Variants in ART1 observed in about 807,000 individuals in gnomAD.
ART1 encodes the protein ADP-ribosyltransferase 1, also known as GPI-linked NAD(P)(+)--arginine ADP-ribosyltransferase 1.
A neutral mutation model predicts 27.0 loss-of-function variants in ART1; 29 were observed. That is an observed-to-expected ratio of 1.08 (90% CI 0.80 to 1.47). The LOEUF is 1.47. Ranked by LOEUF, ART1 falls within the 40% of genes most tolerant of loss-of-function variation. The probability of loss-of-function intolerance (pLI) is 0.00; values close to 1 mark genes in which losing one functional copy is unlikely to be tolerated. For synonymous variants in ART1, 201 were observed against 172.2 expected, an observed-to-expected ratio of 1.17 and a Z score of -1.31; for missense variants, 480 against 423.0, an observed-to-expected ratio of 1.13 and a Z score of -1.18.
intron 1 of ART1, among the ~76,000 whole-genome samples, chr11:3,652,342 A>T (rs1448764401): frequency 1.3e-5 from 2 of 149,236 alleles, no homozygotes; most frequent in African/African-American, 2.6e-5. Context: ...CTGAAAACAG[A>T]CCAGCCTTTA....
At chr11:3,652,575 C>T (rs998275049) in intron 1 of ART1, among the ~76,000 whole-genome samples, 1 of 152,162 alleles carries the variant, frequency 6.6e-6, no homozygotes, top group East Asian at 1.9e-4. Flanking sequence ...AGATACAGCC[C>T]ATTTGAGCTC....
chr11:3,664,080 T>G lies in ART1; in HGVS notation c.887-12T>G. 1 of 1,613,320 alleles carries G rather than the reference T, an allele frequency of 6.2e-7. No individual in the cohort carries two copies. The highest frequency in any genetic ancestry group is 2.2e-5 in the East Asian group (1 of 44,870). ...CTCTCTCCCCCAACCTCTCTGCCTG[T>G]TTTCCCTGCAGCCATGGGTCAGAGC... On this transcript the variant is annotated splice_polypyrimidine_tract_variant and intron_variant, in intron 4 of 4. Coordinates refer to ENST00000250693, the MANE Select transcript of ART1 (RefSeq NM_004314.3).
At chr11:3,654,928 A>C (rs1438697311) in intron 1 of ART1, among the ~76,000 whole-genome samples, 1 of 152,232 alleles carries the variant, frequency 6.6e-6, no homozygotes, top group African/African-American at 2.4e-5. Flanking sequence ...GCAGACAGAA[A>C]CAGAGCTGTG....
rs148115951 is a variant in ART1, at chr11:3,664,069, C to T, written c.887-23C>T. 3.0e-4 allele frequency: 491 copies of T among 1,611,834 alleles called. 3 individuals carry two copies. In the African/African-American group the frequency reaches 5.4e-3, roughly 18 times the overall value. On this transcript the variant is annotated intron_variant, in intron 4 of 4. Transcript: ENST00000250693. ...TTTTTTTCTCTCTCTCTCCCCCAAC[C>T]TCTCTGCCTGTTTTCCCTGCAGCCA... is the stretch of plus-strand genomic sequence containing the variant.
At chr11:3,648,583 A>G (rs974802565) in intron 1 of ART1, among the ~76,000 whole-genome samples, 1 of 152,150 alleles carries the variant, frequency 6.6e-6, no homozygotes, top group Non-Finnish European at 1.5e-5. Context: ...ATTTTCTGGT[A>G]GAGACAAAGG....
intron 1 of ART1, among the ~76,000 whole-genome samples, chr11:3,646,390 G>A (rs1426091397): frequency 2.6e-5 from 4 of 152,088 alleles, no homozygotes; most frequent in East Asian, 1.9e-4. Context: ...AATGTTTGAC[G>A]AATGATTGAC....
At chr11:3,663,218 A>G (rs958563614) in intron 4 of ART1, among the ~76,000 whole-genome samples, 1 of 152,032 alleles carries the variant, frequency 6.6e-6, no homozygotes, top group Non-Finnish European at 1.5e-5. Flanking sequence ...CCCCCCTTAT[A>G]TGGTCAAGTG....
chr11:3,646,795 A>T (rs1298091152), intron 1 of ART1, among the ~76,000 whole-genome samples: 1 of 151,792 alleles, frequency 6.6e-6, no homozygotes, highest in Non-Finnish European at 1.5e-5. Context: ...CCCAAAGTGA[A>T]CTCACCATTT....
At chr11:3,655,928 C>CTTTTTTTT (rs761533207) in intron 1 of ART1, among the ~76,000 whole-genome samples, 4 of 109,022 alleles carry the variant, frequency 3.7e-5, no homozygotes, top group Admixed American at 1.2e-4. Flanking sequence ...GAGCTCAAGT[C>CTTTTTTTT]TTTTTTTTTT....
chr11:3,659,887 C>G lies in ART1; in HGVS notation c.368C>G (p.Ala123Gly), dbSNP rs1186986246. 2 of 1,612,650 alleles carry G rather than the reference C, an allele frequency of 1.2e-6. No homozygotes were observed. Among genetic ancestry groups the G allele is most frequent in the Non-Finnish European group, 1.7e-6 (2 of 1,179,462 alleles). The change falls in exon 3 of 5, where the codon GCC becomes GGC. Residue 123 changes from alanine to glycine, a missense_variant. Transcript: ENST00000250693. ...GGGGTGGCCCTCCTGGCCTACACAG[C>G]CAACAGCCCCCTGCACAAGGAGTTC... ...EHGVALLAYT[A>G]NSPLHKEFNA...
chr11:3,663,885 T>G, intron 4 of ART1: 1 of 547,796 alleles, frequency 1.8e-6, no homozygotes, highest in South Asian at 2.3e-5. Flanking sequence ...TAATAAGTTC[T>G]GATAACCCAT....
intron 1 of ART1, among the ~76,000 whole-genome samples, chr11:3,648,390 C>T (rs368569210): frequency 6.2e-4 from 95 of 152,276 alleles, no homozygotes; most frequent in African/African-American, 2.0e-3. Context: ...GTGAGAAAGA[C>T]CCACCTACAA....
intron 1 of ART1, among the ~76,000 whole-genome samples, chr11:3,647,433 C>T (rs1381679802): frequency 6.6e-6 from 1 of 151,960 alleles, no homozygotes; most frequent in African/African-American, 2.4e-5. Context: ...GTCAGGAGTT[C>T]CAGAACAGCT....
intron 2 of ART1, 53 bp downstream of exon 2, chr11:3,659,329 T>A: frequency 1.2e-6 from 2 of 1,609,714 alleles, no homozygotes; most frequent in Non-Finnish European, 1.7e-6. Flanking sequence ...GCCATCGGCT[T>A]CTTCTGAACC....
chr11:3,659,203 G>A lies in ART1; in HGVS notation c.-11G>A, dbSNP rs745619713. 1 of 1,614,162 alleles carries A rather than the reference G, an allele frequency of 6.2e-7. No individual in the cohort carries two copies. The highest frequency in any genetic ancestry group is 1.1e-5 in the South Asian group (1 of 91,082). On this transcript the variant is annotated 5_prime_UTR_variant, in exon 2 of 5. Coordinates refer to ENST00000250693, the MANE Select transcript of ART1 (RefSeq NM_004314.3). ...CCAAAAAGAGACAGCAACTGGCCCAGGGTCACCAGCATGCAGATGCCTGCT... is the reference window on the plus strand; with the variant it reads ...CCAAAAAGAGACAGCAACTGGCCCAAGGTCACCAGCATGCAGATGCCTGCT...
chr11:3,650,249 C>T (rs1398948923), intron 1 of ART1, among the ~76,000 whole-genome samples: 2 of 152,218 alleles, frequency 1.3e-5, no homozygotes, highest in Non-Finnish European at 2.9e-5. Context: ...GGAATACCCA[C>T]AGCCCAGGAT....
chr11:3,651,184 T>C (rs2077519239), intron 1 of ART1, among the ~76,000 whole-genome samples: 1 of 144,834 alleles, frequency 6.9e-6, no homozygotes, highest in African/African-American at 2.6e-5. Flanking sequence ...CTGTTCTGGG[T>C]CTCAAACATG....
intron 1 of ART1, among the ~76,000 whole-genome samples, chr11:3,650,283 G>A (rs974310553): frequency 6.6e-6 from 1 of 152,204 alleles, no homozygotes; most frequent in Non-Finnish European, 1.5e-5. Context: ...TATCCCATCT[G>A]TGTGGGACCC....
chr11:3,645,891 G>A (rs1031923684), intron 1 of ART1, among the ~76,000 whole-genome samples: 2 of 152,138 alleles, frequency 1.3e-5, no homozygotes, highest in African/African-American at 4.8e-5. Flanking sequence ...GAGGGGCGAT[G>A]TGTGCAGAGC....
Sources: gnomAD v4.1 joint callset for allele counts (sites outside exome capture counted in the v4.1 genomes callset) on GRCh38, gnomAD v4.1.1 for gene constraint, MANE v1.5 for transcripts, NCBI Gene and HGNC (gene_info 2026-07-23, HGNC 2026-07-21) for gene names.